The following DENND5A variants were observed in gnomAD, a reference collection of about 807,000 sequenced individuals.
The protein encoded by DENND5A is DENN domain containing 5A.
In DENND5A, 64 loss-of-function variants were observed where a neutral mutation model predicts 140.3. The ratio of observed to expected loss-of-function variants is 0.46; its 90% CI spans 0.37 to 0.56. The LOEUF is 0.56. DENND5A is among the 20% of genes least tolerant of loss of function. The pLI, the probability that DENND5A is intolerant of heterozygous loss-of-function variation, is 0.00. For synonymous variants in DENND5A, 605 were observed against 607.7 expected (o/e 1.00, Z 0.07); for missense variants, 1,292 against 1,593.8 (o/e 0.81, Z 3.22).
intron 1 of DENND5A, among the ~76,000 whole-genome samples, chr11:9,235,752 A>G (rs1850973726): frequency 6.6e-6 from 1 of 152,128 alleles, no homozygotes. Context: ...TTCCACTTAC[A>G]TGAAACATCC....
intron 22 of DENND5A, among the ~76,000 whole-genome samples, chr11:9,141,331 C>G (rs1004255498): frequency 1.3e-5 from 2 of 152,154 alleles, no homozygotes; most frequent in Non-Finnish European, 2.9e-5. Context: ...CGTTGTCATC[C>G]CTACCCCGAC....
At chr11:9,162,233 CTTTTT>C (rs1221675349) in intron 11 of DENND5A, among the ~76,000 whole-genome samples, 1 of 97,334 alleles carries the variant, frequency 1.0e-5, no homozygotes, top group Non-Finnish European at 2.0e-5. Flanking sequence ...CCAGTTCCTT[CTTTTT>C]TTTTTTTTTT....
chr11:9,179,077 CA>C lies in DENND5A; in HGVS notation c.1456-5del. 2 of 1,605,930 alleles carry C rather than the reference CA, an allele frequency of 1.2e-6. No homozygotes were observed. Among genetic ancestry groups the C allele is most frequent in the Non-Finnish European group, 1.7e-6 (2 of 1,177,254 alleles). On this transcript the variant is annotated splice_polypyrimidine_tract_variant and splice_region_variant and intron_variant, in intron 6 of 22. Coordinates refer to ENST00000328194, the MANE Select transcript of DENND5A (RefSeq NM_015213.4). ...TGGGGTCTTCACGCACTTCCAACTA[CA>C]AAAAAAGAAAAAGCAGTTGAGAACA...
intron 5 of DENND5A, among the ~76,000 whole-genome samples, chr11:9,189,365 T>C (rs375535135): frequency 6.6e-6 from 1 of 152,082 alleles, no homozygotes; most frequent in Non-Finnish European, 1.5e-5. Flanking sequence ...GGAAGGGAAA[T>C]GTAGGGTCAG....
chr11:9,148,098 TG>T (rs1847492481), intron 15 of DENND5A, among the ~76,000 whole-genome samples: 3 of 152,294 alleles, frequency 2.0e-5, no homozygotes, highest in Admixed American at 6.5e-5. Flanking sequence ...GTAAAGGCCA[TG>T]GTATAGGACT....
chr11:9,183,439 CTTTT>C (rs149988674), intron 5 of DENND5A, among the ~76,000 whole-genome samples: 17,330 of 144,378 alleles, frequency 0.12, 1,022 homozygotes, highest in South Asian at 0.18. Context: ...AGGTTTTTAA[CTTTT>C]TTTTTTTTTT....
chr11:9,170,078 A>G, intron 9 of DENND5A, 129 bp from the exon 10 acceptor site: 1 of 830,454 alleles, frequency 1.2e-6, no homozygotes, highest in Non-Finnish European at 1.9e-6. Flanking sequence ...ATGTCACCAG[A>G]GACAGCTCAG....
At chr11:9,232,871 T>C (rs555483837) in intron 1 of DENND5A, among the ~76,000 whole-genome samples, 5 of 152,312 alleles carry the variant, frequency 3.3e-5, no homozygotes, top group African/African-American at 9.6e-5. Context: ...AGTCACACAA[T>C]GGCAAACTCT....
chr11:9,143,219 T>G, intron 20 of DENND5A, 184 bp downstream of exon 20: 1 of 667,274 alleles, frequency 1.5e-6, no homozygotes, highest in South Asian at 1.8e-5. Context: ...CAGGGTAACC[T>G]GAGGCAAAGG....
chr11:9,193,605 G>A lies in DENND5A; in HGVS notation c.1026C>T (p.Val342=), dbSNP rs747883184. ...GCAGGAGAGAAGCTGGGAGAATAGG[G>A]ACATAGACATGCTGCCACTGGAAAG... ...MFPFQWQHVY[V]PILPASLLHF... Residue 342 remains valine, a synonymous_variant, in exon 5 of 23, where the codon GTC becomes GTT. Transcript: ENST00000328194. 4.3e-6 allele frequency: 7 copies of A among 1,613,864 alleles called. No individual in the cohort carries two copies. The highest frequency in any genetic ancestry group is 5.9e-6 in the Non-Finnish European group (7 of 1,179,946).
At chr11:9,167,450 T>G (rs868451305) in intron 10 of DENND5A, among the ~76,000 whole-genome samples, 6 of 148,926 alleles carry the variant, frequency 4.0e-5, no homozygotes, top group Non-Finnish European at 8.9e-5. Context: ...AATGCTCTTC[T>G]TATAGCTCCA....
chr11:9,142,702 C>T lies in DENND5A; in HGVS notation c.3511+20G>A, dbSNP rs987550218. On this transcript the variant is annotated intron_variant, in intron 21 of 22. Transcript: ENST00000328194. ...TATCTCTACATGCTTCTCCCACCCT[C>T]ATACTCCAGCTCAACTCACCCAGGA... 4 of 1,613,944 alleles carry T rather than the reference C, an allele frequency of 2.5e-6. No individual in the cohort carries two copies. The highest frequency in any genetic ancestry group is 3.4e-6 in the Non-Finnish European group (4 of 1,179,930).
chr11:9,146,514 G>C (rs1847436286), intron 16 of DENND5A, among the ~76,000 whole-genome samples: 1 of 152,190 alleles, frequency 6.6e-6, no homozygotes, highest in South Asian at 2.1e-4. Context: ...ACTCACAGCA[G>C]GATAGACTCT....
chr11:9,231,824 C>CA (rs1554931386), intron 1 of DENND5A, among the ~76,000 whole-genome samples: 3 of 149,536 alleles, frequency 2.0e-5, no homozygotes, highest in Non-Finnish European at 4.4e-5. Context: ...AATTCTCTCT[C>CA]TTTTTTTTTA....
At chr11:9,178,074 G>T in intron 8 of DENND5A, 58 bp downstream of exon 8, 2 of 1,174,114 alleles carry the variant, frequency 1.7e-6, no homozygotes, top group Non-Finnish European at 2.6e-6. Flanking sequence ...TTAGGAAAAG[G>T]GACATGTTAA....
intron 5 of DENND5A, among the ~76,000 whole-genome samples, chr11:9,185,327 C>T (rs377698396): frequency 2.6e-5 from 4 of 152,096 alleles, no homozygotes; most frequent in Non-Finnish European, 5.9e-5. Flanking sequence ...AAGATTTAAA[C>T]TTGTGCTTTT....
chr11:9,215,676 T>C (rs1850062770), intron 1 of DENND5A, among the ~76,000 whole-genome samples: 1 of 151,886 alleles, frequency 6.6e-6, no homozygotes. Context: ...GCCTCCCTAG[T>C]AGCTGGGATT....
intron 21 of DENND5A, among the ~76,000 whole-genome samples, chr11:9,142,505 A>G (rs1400746864): frequency 6.6e-6 from 1 of 152,198 alleles, no homozygotes; most frequent in Non-Finnish European, 1.5e-5. Flanking sequence ...GTCTAGAAGA[A>G]TCTTTTCTGT....
chr11:9,151,330 A>G lies in DENND5A; in HGVS notation c.2522-566T>C, dbSNP rs118112031. Among the ~76,000 whole-genome samples the G allele has an allele frequency of 1.5e-3, 231 of 152,322 alleles. 1 individual carries two copies. Among genetic ancestry groups the G allele is most frequent in the Non-Finnish European group, 2.9e-3 (194 of 68,034 alleles). ...TCTGGCCTAATGTTTAAAACTTAGT[A>G]TTTTCATCATCAAGCTGTTGAGAAT... On this transcript the variant is annotated intron_variant, in intron 13 of 22. Transcript: ENST00000328194.
Sources: allele counts gnomAD v4.1 joint callset (sites outside exome capture counted in the v4.1 genomes callset), GRCh38; gene constraint gnomAD v4.1.1; transcripts MANE v1.5; gene names NCBI Gene and HGNC (gene_info 2026-07-23, HGNC 2026-07-21).